ELSPBP1: variants seen among roughly 807,000 people sequenced by gnomAD.
The protein encoded by ELSPBP1 is epididymal sperm-binding protein 1.
In ELSPBP1, 38 loss-of-function variants were observed where a neutral mutation model predicts 33.3. The observed-to-expected ratio is 1.14, with a 90% CI of 0.88 to 1.50. The LOEUF (loss-of-function observed/expected upper bound fraction) is 1.50, where lower values mean the gene tolerates loss of function less well. Ranked by LOEUF, ELSPBP1 falls within the 40% of genes most tolerant of loss-of-function variation. The pLI is 0.00. For missense variants in ELSPBP1, 267 were observed against 263.5 expected, an observed-to-expected ratio of 1.01 and a Z score of -0.09; for synonymous variants, 85 against 94.1, an observed-to-expected ratio of 0.90 and a Z score of 0.56.
intron 6 of ELSPBP1, among the ~76,000 whole-genome samples, chr19:48,022,788 C>T (rs1038934797): frequency 1.3e-5 from 2 of 151,800 alleles, no homozygotes; most frequent in African/African-American, 4.8e-5. Flanking sequence ...TGGTGACTCA[C>T]ACCTGTAATC....
intron 5 of ELSPBP1, among the ~76,000 whole-genome samples, chr19:48,021,681 C>A (rs1029561259): frequency 6.6e-6 from 1 of 151,686 alleles, no homozygotes; most frequent in Non-Finnish European, 1.5e-5. Context: ...AACTCCTGAC[C>A]TCAAGTCATC....
intron 6 of ELSPBP1, among the ~76,000 whole-genome samples, chr19:48,024,414 A>G (rs916128715): frequency 1.3e-5 from 2 of 152,184 alleles, no homozygotes; most frequent in Non-Finnish European, 1.5e-5. Context: ...TCAGATGTGT[A>G]GACAAAACCC....
At chr19:48,024,517 G>A (rs143194098) in intron 6 of ELSPBP1, among the ~76,000 whole-genome samples, 3 of 152,244 alleles carry the variant, frequency 2.0e-5, no homozygotes, top group Non-Finnish European at 4.4e-5. Flanking sequence ...CTAAATTAGC[G>A]GGCCCTTCCT....
intron 2 of ELSPBP1, among the ~76,000 whole-genome samples, chr19:48,009,906 C>A (rs1246426532): frequency 6.6e-5 from 10 of 152,128 alleles, no homozygotes; most frequent in African/African-American, 2.4e-4. Context: ...ACATCCCCTA[C>A]GGTTTCAGAG....
intron 4 of ELSPBP1, among the ~76,000 whole-genome samples, chr19:48,016,563 CCT>C (rs1967144293): frequency 2.5e-5 from 1 of 39,310 alleles, no homozygotes; most frequent in Admixed American, 2.5e-4. Flanking sequence ...TTCCTTCCTT[CCT>C]TCCTCCCTTC....
chr19:48,007,724 G>A (rs951334536), intron 1 of ELSPBP1, among the ~76,000 whole-genome samples: 3 of 152,148 alleles, frequency 2.0e-5, no homozygotes, highest in South Asian at 2.1e-4. Flanking sequence ...AGGATTTAAG[G>A]CTATTGTTAA....
intron 2 of ELSPBP1, among the ~76,000 whole-genome samples, chr19:48,013,305 T>A (rs999143780): frequency 5.3e-5 from 8 of 152,234 alleles, no homozygotes; most frequent in Non-Finnish European, 1.0e-4. Flanking sequence ...CCAGTGCTCC[T>A]GGCCCCAACA....
chr19:48,007,904 G>C (rs761889888), intron 1 of ELSPBP1, among the ~76,000 whole-genome samples: 1 of 152,210 alleles, frequency 6.6e-6, no homozygotes, highest in Non-Finnish European at 1.5e-5. Context: ...GACATAAAGT[G>C]TGTTGAACAT....
intron 1 of ELSPBP1, among the ~76,000 whole-genome samples, chr19:48,003,909 CTATTCTATTCTATTCTATT>C (rs1966992212): frequency 8.9e-6 from 1 of 112,202 alleles, no homozygotes; most frequent in South Asian, 2.8e-4. Context: ...CTATTCTATT[CTATTCTATTCTATTCTATT>C]CTATTCTATT....
intron 4 of ELSPBP1, among the ~76,000 whole-genome samples, chr19:48,017,586 T>C (rs530183688): frequency 1.4e-4 from 22 of 152,002 alleles, no homozygotes; most frequent in Non-Finnish European, 2.9e-5. Flanking sequence ...ACCAAATAGA[T>C]GAATTAGGAA....
At chr19:48,014,620 A>T (rs1273195103) in intron 3 of ELSPBP1, among the ~76,000 whole-genome samples, 1 of 151,836 alleles carries the variant, frequency 6.6e-6, no homozygotes, top group African/African-American at 2.4e-5. Context: ...ACATGTATAC[A>T]TATGTAACAA....
intron 3 of ELSPBP1, among the ~76,000 whole-genome samples, chr19:48,015,466 G>A (rs1466009089): frequency 6.6e-6 from 1 of 152,112 alleles, no homozygotes; most frequent in African/African-American, 2.4e-5. Context: ...GACCAGCCTG[G>A]GCAACATGGC....
At chr19:48,008,594 G>A (rs1967045738) in intron 1 of ELSPBP1, 57 bp from the exon 2 acceptor site, 1 of 1,219,932 alleles carries the variant, frequency 8.2e-7, no homozygotes, top group Non-Finnish European at 1.2e-6. Flanking sequence ...AATCTAGGAG[G>A]TAATGGGAAG....
chr19:47,998,457 T>G (rs1341262897), intron 1 of ELSPBP1, among the ~76,000 whole-genome samples: 39 of 147,832 alleles, frequency 2.6e-4, no homozygotes, highest in Admixed American at 2.5e-3. Context: ...ATCTCAGGGA[T>G]TGGGCTAATG....
chr19:47,996,600 T>C (rs559148125), intron 1 of ELSPBP1, among the ~76,000 whole-genome samples: 7 of 151,200 alleles, frequency 4.6e-5, no homozygotes, highest in Admixed American at 2.0e-4. Flanking sequence ...AAAAGATGGA[T>C]AGATGGAGGA....
At chr19:47,997,158 G>GT (rs368234397) in intron 1 of ELSPBP1, among the ~76,000 whole-genome samples, 3 of 152,066 alleles carry the variant, frequency 2.0e-5, no homozygotes, top group African/African-American at 7.3e-5. Context: ...ACACCAAGAG[G>GT]CCCCGGCACA....
chr19:48,022,054 C>T (rs1040519983), intron 5 of ELSPBP1, 116 bp from the exon 6 acceptor site: 25 of 897,816 alleles, frequency 2.8e-5, no homozygotes, highest in East Asian at 1.0e-4. Context: ...GGATTAAAGG[C>T]GCGAACCACC....
At chr19:48,006,304 C>A (rs903688444) in intron 1 of ELSPBP1, among the ~76,000 whole-genome samples, 1 of 151,986 alleles carries the variant, frequency 6.6e-6, no homozygotes. Flanking sequence ...TGTTTTGACA[C>A]GACGAAACTG....
At chr19:48,000,301 C>A (rs1272326247) in intron 1 of ELSPBP1, among the ~76,000 whole-genome samples, 1 of 143,176 alleles carries the variant, frequency 7.0e-6, no homozygotes, top group Non-Finnish European at 1.5e-5. Flanking sequence ...CCAAGACTGG[C>A]ACGATCTTGG....
Sources: gnomAD v4.1 joint callset for allele counts (sites outside exome capture counted in the v4.1 genomes callset) on GRCh38, gnomAD v4.1.1 for gene constraint, MANE v1.5 for transcripts, NCBI Gene and HGNC (gene_info 2026-07-23, HGNC 2026-07-21) for gene names.